Variants in HDAC9 observed in about 807,000 individuals in gnomAD.
The protein encoded by HDAC9 is histone deacetylase 9, also known as MEF-2 interacting transcription repressor (MITR) protein.
In HDAC9, 41 loss-of-function variants were observed where a neutral mutation model predicts 139.4. That is an observed-to-expected ratio of 0.29 (90% CI 0.23 to 0.38). The LOEUF (loss-of-function observed/expected upper bound fraction) is 0.38. Ranked by LOEUF, HDAC9 falls within the 10% of genes least tolerant of loss-of-function variation. The probability of loss-of-function intolerance (pLI) is 1.00; values close to 1 mark genes in which losing one functional copy is unlikely to be tolerated. For synonymous variants in HDAC9, 517 were observed against 476.2 expected, an observed-to-expected ratio of 1.09 and a Z score of -1.12; for missense variants, 1,147 against 1,297.0, an observed-to-expected ratio of 0.88 and a Z score of 1.78.
chr7:18,960,813 G>T (rs1783478734), intron 24 of HDAC9, among the ~76,000 whole-genome samples: 1 of 151,880 alleles, frequency 6.6e-6, no homozygotes, highest in Admixed American at 6.6e-5. Context: ...AAGGAGAAGG[G>T]GCATTTACAT....
rs56020648 is a variant in HDAC9 at position 18,307,097 on chromosome 7, T to TTGTGTG, written c.-42+16624_-42+16629dup. On this transcript the variant is annotated intron_variant, in intron 1 of 3. Transcript: ENST00000413509. ...CCCTTCAGCTACAGGAGGGCAGTTCTTGTGTGTGTGTGTGTGTGTGTGTGT... is the reference window on the plus strand; with the variant it reads ...CCCTTCAGCTACAGGAGGGCAGTTCTTGTGTGTGTGTGTGTGTGTGTGTGTGTGTGT... Among the ~76,000 whole-genome samples, 860 of 134,808 alleles carry TTGTGTG rather than the reference T, an allele frequency of 6.4e-3. 3 individuals are homozygous for TTGTGTG. The highest frequency in any genetic ancestry group is 0.012 in the Middle Eastern group (3 of 256). 88.4% of individuals were successfully genotyped at this position (134,808 alleles called of 152,430 possible). A position where few individuals can be genotyped will look rare whatever the true frequency, so the allele number is the denominator to read the frequency against.
intron 1 of HDAC9, among the ~76,000 whole-genome samples, chr7:18,370,521 T>C (rs1784515544): frequency 6.6e-6 from 1 of 152,180 alleles, no homozygotes; most frequent in Non-Finnish European, 1.5e-5. Context: ...CTCAAGTATA[T>C]ATGCATAAAA....
chr7:18,087,843 T>A (rs1001879579), intron 1 of HDAC9: 1 of 152,384 alleles, frequency 6.6e-6, no homozygotes, highest in Non-Finnish European at 1.5e-5. Flanking sequence ...CCTAGCAGGC[T>A]GCGTTTGTTT....
intron 17 of HDAC9, among the ~76,000 whole-genome samples, chr7:18,821,334 T>G (rs952731691): frequency 1.3e-5 from 2 of 152,122 alleles, no homozygotes; most frequent in South Asian, 4.1e-4. Flanking sequence ...GATAGAGGCT[T>G]AGGAATGGTT....
At chr7:18,476,320 C>A (rs970283957) in intron 1 of HDAC9, among the ~76,000 whole-genome samples, 2 of 152,080 alleles carry the variant, frequency 1.3e-5, no homozygotes, top group African/African-American at 4.8e-5. Flanking sequence ...TGAATACTCA[C>A]AATAAAAAGT....
chr7:18,385,842 G>A (rs747878353), intron 1 of HDAC9, among the ~76,000 whole-genome samples: 1 of 151,680 alleles, frequency 6.6e-6, no homozygotes, highest in African/African-American at 2.4e-5. Context: ...CCTAGCATAG[G>A]ACCTGCTCAG....
At chr7:18,982,016 G>C (rs575336650) in intron 25 of HDAC9, among the ~76,000 whole-genome samples, 21 of 152,116 alleles carry the variant, frequency 1.4e-4, no homozygotes, top group Admixed American at 3.9e-4. Flanking sequence ...CCAGGGAGAA[G>C]AGAATCAGGG....
At chr7:18,443,923 T>A (rs1792038990) in intron 1 of HDAC9, among the ~76,000 whole-genome samples, 1 of 151,248 alleles carries the variant, frequency 6.6e-6, no homozygotes, top group African/African-American at 2.4e-5. Context: ...ATTTGTATTA[T>A]ATATATGTAT....
At position 18,918,095 on chromosome 7, in the gene HDAC9, C is replaced by T. The variant is rs186410215; in HGVS notation, c.2804-17714C>T. On this transcript the variant is annotated intron_variant, in intron 22 of 25. Transcript: ENST00000686413. Reference sequence around the variant, plus strand: ...TAAACACATTCAATTAAAATCAAGTCGATGTGCAAAGAAATGCATTTCTGG... The same window carrying T: ...TAAACACATTCAATTAAAATCAAGTTGATGTGCAAAGAAATGCATTTCTGG... Among the ~76,000 whole-genome samples, 69 of 152,048 alleles carry T rather than the reference C, an allele frequency of 4.5e-4. No homozygotes were observed. The South Asian group carries it at 5.8e-3, about 13-fold the overall frequency.
At chr7:18,785,747 C>A (rs760856554) in intron 16 of HDAC9, among the ~76,000 whole-genome samples, 1 of 152,010 alleles carries the variant, frequency 6.6e-6, no homozygotes. Flanking sequence ...TTTGATTTTA[C>A]TAGCATAAAA....
At chr7:18,586,294 G>A (rs558287735) in intron 3 of HDAC9, among the ~76,000 whole-genome samples, 1 of 151,786 alleles carries the variant, frequency 6.6e-6, no homozygotes, top group East Asian at 1.9e-4. Context: ...AGCTTTATTT[G>A]TAAAACATCT....
At chr7:18,654,705 A>G (rs1054973495) in intron 11 of HDAC9, among the ~76,000 whole-genome samples, 1 of 152,124 alleles carries the variant, frequency 6.6e-6, no homozygotes, top group African/African-American at 2.4e-5. Context: ...GTTAAAAACA[A>G]GGCAAACAAA....
intron 9 of HDAC9, among the ~76,000 whole-genome samples, chr7:18,646,079 A>C (rs1248782304): frequency 6.6e-6 from 1 of 152,216 alleles, no homozygotes; most frequent in Non-Finnish European, 1.5e-5. Flanking sequence ...AGGAATTAGG[A>C]ATGAAACTAA....
intron 1 of HDAC9, among the ~76,000 whole-genome samples, chr7:18,140,830 TAAAAAC>T (rs935382515): frequency 1.3e-4 from 20 of 151,978 alleles, no homozygotes; most frequent in Non-Finnish European, 2.4e-4. Context: ...AATATCACCT[TAAAAAC>T]AAAGCAATTT....
At chr7:18,878,885 A>G (rs1799520122) in intron 22 of HDAC9, among the ~76,000 whole-genome samples, 2 of 152,150 alleles carry the variant, frequency 1.3e-5, no homozygotes, top group Non-Finnish European at 2.9e-5. Flanking sequence ...GTTTGCAGAC[A>G]ACATGATTCT....
intron 2 of HDAC9, among the ~76,000 whole-genome samples, chr7:18,275,740 T>C (rs1796676541): frequency 6.6e-6 from 1 of 152,132 alleles, no homozygotes; most frequent in African/African-American, 2.4e-5. Flanking sequence ...TCCTCGGGTG[T>C]TTTCTCAGAA....
chr7:18,227,989 T>A (rs954979812), intron 2 of HDAC9, among the ~76,000 whole-genome samples: 2 of 152,180 alleles, frequency 1.3e-5, no homozygotes, highest in African/African-American at 4.8e-5. Flanking sequence ...AGTCTATATA[T>A]GCTGAAAAGA....
rs375448847 is a variant in HDAC9 at position 18,569,182 on chromosome 7, A to G, written c.23-16099A>G. Among the ~76,000 whole-genome samples, 3 of 152,232 alleles carry G rather than the reference A, an allele frequency of 2.0e-5. No individual in the cohort carries two copies. In the East Asian group the frequency reaches 5.8e-4, roughly 29 times the overall value. On this transcript the variant is annotated intron_variant, in intron 2 of 25. Coordinates refer to ENST00000686413, the MANE Select transcript of HDAC9 (RefSeq NM_178425.4). Reference sequence around the variant, plus strand: ...GCCTGTACTATCTCTGTGGCATTCAATTCTGACTTTTTAGTGCAAAAGCAG... The same window carrying G: ...GCCTGTACTATCTCTGTGGCATTCAGTTCTGACTTTTTAGTGCAAAAGCAG...
intron 12 of HDAC9, chr7:18,667,305 G>A: frequency 1.0e-6 from 1 of 984,744 alleles, no homozygotes; most frequent in Non-Finnish European, 1.2e-6. Flanking sequence ...GTCTACAATT[G>A]CAAAAAACAC....
Sources: allele counts gnomAD v4.1 joint callset (sites outside exome capture counted in the v4.1 genomes callset), GRCh38; gene constraint gnomAD v4.1.1; transcripts MANE v1.5; gene names NCBI Gene and HGNC (gene_info 2026-07-23, HGNC 2026-07-21).